The following EYS variants were observed in gnomAD, a reference collection of about 807,000 sequenced individuals.
EYS encodes protein eyes shut homolog.
In EYS, 250 loss-of-function variants were observed where a neutral mutation model predicts 282.1. The ratio of observed to expected loss-of-function variants is 0.89; its 90% CI spans 0.80 to 0.98. The LOEUF is 0.98. Ranked by LOEUF, EYS falls within the 50% of genes least tolerant of loss-of-function variation. The probability of loss-of-function intolerance (pLI) is 0.00; values close to 1 mark genes in which losing one functional copy is unlikely to be tolerated. For missense variants in EYS, 4,016 were observed against 3,709.0 expected (o/e 1.08, Z -2.15); for synonymous variants, 1,355 against 1,282.9 (o/e 1.06, Z -1.20).
At chr6:64,748,259 G>T (rs1350875449) in intron 22 of EYS, among the ~76,000 whole-genome samples, 1 of 152,168 alleles carries the variant, frequency 6.6e-6, no homozygotes, top group South Asian at 2.1e-4. Context: ...AAATATGCTG[G>T]CATTCCAGCT....
At chr6:63,883,329 A>G (rs1299924606) in intron 35 of EYS, among the ~76,000 whole-genome samples, 1 of 152,108 alleles carries the variant, frequency 6.6e-6, no homozygotes, top group Non-Finnish European at 1.5e-5. Context: ...CTGACTTTTA[A>G]TGTAACTATG....
In EYS at chr6:65,588,258, C is replaced by T. The variant is rs1765122123; in HGVS notation, c.-333+51520G>A. On this transcript the variant is annotated intron_variant, in intron 2 of 42. Transcript: ENST00000503581. Reference sequence around the variant, plus strand: ...ATAAACCTCTATCCACCTCATTTAACATTTTTACTGATTTTTTTCTCCCAT... The same window carrying T: ...ATAAACCTCTATCCACCTCATTTAATATTTTTACTGATTTTTTTCTCCCAT... Among the ~76,000 whole-genome samples the T allele has an allele frequency of 3.3e-5, 5 of 152,138 alleles. No homozygotes were observed. In the South Asian group the frequency reaches 1.0e-3, roughly 32 times the overall value.
chr6:64,492,469 T>G (rs569052581), intron 26 of EYS, among the ~76,000 whole-genome samples: 15 of 151,228 alleles, frequency 9.9e-5, no homozygotes, highest in East Asian at 5.8e-4. Context: ...GTCCTGTTTT[T>G]TTGTTGTTGT....
At chr6:64,662,061 C>T (rs370155567) in intron 22 of EYS, among the ~76,000 whole-genome samples, 6 of 151,240 alleles carry the variant, frequency 4.0e-5, no homozygotes, top group African/African-American at 7.3e-5. Context: ...CCATAAAAAA[C>T]GATGAGTTCA....
chr6:65,442,758 A>G (rs543611521), intron 5 of EYS, among the ~76,000 whole-genome samples: 21 of 146,588 alleles, frequency 1.4e-4, no homozygotes, highest in Non-Finnish European at 2.1e-4. Flanking sequence ...CATCTCAAAA[A>G]ATAAAAATAA....
At chr6:65,143,993 A>C (rs2150210681) in intron 12 of EYS, among the ~76,000 whole-genome samples, 1 of 152,194 alleles carries the variant, frequency 6.6e-6, no homozygotes, top group Admixed American at 6.6e-5. Context: ...TCACAAATGA[A>C]AATGTCCATA....
chr6:64,061,720 G>A (rs1771177793), intron 33 of EYS, among the ~76,000 whole-genome samples: 1 of 152,148 alleles, frequency 6.6e-6, no homozygotes, highest in African/African-American at 2.4e-5. Flanking sequence ...TGGGCATGGT[G>A]GATCATGCCT....
At chr6:64,810,411 A>G (rs1166196367) in intron 22 of EYS, among the ~76,000 whole-genome samples, 1 of 152,064 alleles carries the variant, frequency 6.6e-6, no homozygotes, top group Non-Finnish European at 1.5e-5. Flanking sequence ...CGGAGATGAA[A>G]GCAAACTTGA....
In EYS at chr6:65,124,965, T is replaced by C. The variant is rs184419456; in HGVS notation, c.2024-67238A>G. Among the ~76,000 whole-genome samples the C allele has an allele frequency of 1.3e-3, 191 of 152,328 alleles. 2 individuals carry two copies. Among genetic ancestry groups the C allele is most frequent in the African/African-American group, 4.3e-3 (180 of 41,582 alleles). Reference sequence around the variant, plus strand: ...CCTTCTTGAAGCATGTGTGCACCACTAAGATAAGATGTTGTCAATCTGTTA... The same window carrying C: ...CCTTCTTGAAGCATGTGTGCACCACCAAGATAAGATGTTGTCAATCTGTTA... On this transcript the variant is annotated intron_variant, in intron 12 of 42. Coordinates refer to ENST00000503581, the MANE Select transcript of EYS (RefSeq NM_001142800.2).
chr6:65,110,021 A>C (rs1775167809), intron 12 of EYS, among the ~76,000 whole-genome samples: 1 of 152,182 alleles, frequency 6.6e-6, no homozygotes, highest in African/African-American at 2.4e-5. Flanking sequence ...TTGGTTTATA[A>C]GATATAAAAC....
intron 12 of EYS, among the ~76,000 whole-genome samples, chr6:65,149,150 G>A (rs889539045): frequency 6.6e-6 from 1 of 152,054 alleles, no homozygotes; most frequent in Non-Finnish European, 1.5e-5. Context: ...TCTGTAGTAG[G>A]CTTGAATTTC....
chr6:64,403,307 A>T (rs1045316795), intron 28 of EYS, among the ~76,000 whole-genome samples: 3 of 152,160 alleles, frequency 2.0e-5, no homozygotes, highest in African/African-American at 7.2e-5. Flanking sequence ...TATTCACAAA[A>T]TATGTCTGAA....
chr6:65,134,708 A>G (rs1775973881), intron 12 of EYS, among the ~76,000 whole-genome samples: 2 of 152,038 alleles, frequency 1.3e-5, no homozygotes, highest in African/African-American at 2.4e-5. Context: ...ACATGAGTTT[A>G]CCTATATAAC....
intron 2 of EYS, among the ~76,000 whole-genome samples, chr6:65,537,136 G>A (rs1767988364): frequency 6.6e-6 from 1 of 152,092 alleles, no homozygotes; most frequent in African/African-American, 2.4e-5. Context: ...TCATAAGTGG[G>A]AGTTGAACAG....
At chr6:64,629,509 A>G (rs561605748) in intron 22 of EYS, among the ~76,000 whole-genome samples, 1 of 152,200 alleles carries the variant, frequency 6.6e-6, no homozygotes, top group African/African-American at 2.4e-5. Flanking sequence ...ATTTATGTTA[A>G]GAAATATGTC....
intron 22 of EYS, among the ~76,000 whole-genome samples, chr6:64,681,537 G>A (rs572794609): frequency 3.9e-5 from 6 of 152,282 alleles, no homozygotes; most frequent in African/African-American, 1.2e-4. Context: ...GCTGGCGAGG[G>A]CTCTTCCCTC....
intron 36 of EYS, among the ~76,000 whole-genome samples, chr6:63,828,222 T>G (rs367924590): frequency 6.3e-4 from 95 of 151,810 alleles, no homozygotes; most frequent in East Asian, 4.8e-3. Context: ...AGAAAGGAAA[T>G]AACCAACATC....
intron 13 of EYS, among the ~76,000 whole-genome samples, chr6:65,052,603 C>T (rs1465303591): frequency 6.6e-6 from 1 of 151,402 alleles, no homozygotes; most frequent in East Asian, 1.9e-4. Flanking sequence ...CAGTCTGGAT[C>T]CTGCTTTGCT....
chr6:63,924,170 C>T (rs1437089401), intron 35 of EYS, among the ~76,000 whole-genome samples: 1 of 152,134 alleles, frequency 6.6e-6, no homozygotes, highest in Non-Finnish European at 1.5e-5. Context: ...GCTACTTCTT[C>T]CTCTCAGAAT....
Sources: allele counts gnomAD v4.1 joint callset (sites outside exome capture counted in the v4.1 genomes callset), GRCh38; gene constraint gnomAD v4.1.1; transcripts MANE v1.5; gene names NCBI Gene and HGNC (gene_info 2026-07-23, HGNC 2026-07-21).